SLC4A8: variants seen among roughly 807,000 people sequenced by gnomAD.
SLC4A8 encodes electroneutral sodium bicarbonate exchanger 1.
A neutral mutation model predicts 125.0 loss-of-function variants in SLC4A8; 40 were observed. The observed-to-expected ratio is 0.32, with a 90% CI of 0.25 to 0.42. SLC4A8 has a LOEUF of 0.42. Among genes scored for constraint, SLC4A8 ranks in the 10% least tolerant of loss-of-function variants. The pLI, the probability that SLC4A8 is intolerant of heterozygous loss-of-function variation, is 1.00. For synonymous variants in SLC4A8, 456 were observed against 476.0 expected (o/e 0.96, Z 0.55); for missense variants, 863 against 1,355.1 (o/e 0.64, Z 5.70).
intron 11 of SLC4A8, 21 bp from the exon 12 acceptor site, chr12:51,469,593 C>T: frequency 6.2e-7 from 1 of 1,610,238 alleles, no homozygotes; most frequent in Non-Finnish European, 8.5e-7. Context: ...TGTTAGAAGC[C>T]TGTCTGTTGT....
intron 14 of SLC4A8, among the ~76,000 whole-genome samples, chr12:51,472,605 A>G (rs538004827): frequency 7.9e-4 from 120 of 152,236 alleles, no homozygotes; most frequent in African/African-American, 2.8e-3. Context: ...TTGAGCACCT[A>G]TTATGTACCA....
At chr12:51,442,040 A>G (rs557617167) in intron 2 of SLC4A8, among the ~76,000 whole-genome samples, 1 of 152,288 alleles carries the variant, frequency 6.6e-6, no homozygotes, top group Non-Finnish European at 1.5e-5. Context: ...TAGATTAGGC[A>G]CCTTATACAA....
At chr12:51,401,822 C>A (rs569344500) in intron 1 of SLC4A8, among the ~76,000 whole-genome samples, 29 of 152,272 alleles carry the variant, frequency 1.9e-4, no homozygotes, top group African/African-American at 7.0e-4. Flanking sequence ...CTGCCCCACT[C>A]CCATATCAAC....
Position 51,469,493 on chromosome 12 carries a change from A to G in SLC4A8, c.1350-121A>G. ...AAGAGAGTTATCTGTACTGGGGTCA[A>G]ACTGAAGCCAAAGTCTTACCGCTGA... On this transcript the variant is annotated intron_variant, in intron 11 of 24. Transcript: ENST00000453097. The G allele has an allele frequency of 6.1e-6, 5 of 820,818 alleles. No homozygotes were observed. In the Admixed American group the frequency reaches 1.3e-4, roughly 22 times the overall value. The allele number at this position is 820,818 out of a possible 1,614,324, so 50.8% of individuals were successfully genotyped here. A position where few individuals can be genotyped will look rare whatever the true frequency, so the allele number is the denominator to read the frequency against.
At chr12:51,396,624 C>T (rs1948267637) in intron 1 of SLC4A8, among the ~76,000 whole-genome samples, 1 of 151,084 alleles carries the variant, frequency 6.6e-6, no homozygotes, top group Admixed American at 6.6e-5. Context: ...AAGAGGATCA[C>T]TTGAGCGCAG....
intron 11 of SLC4A8, among the ~76,000 whole-genome samples, chr12:51,465,057 T>C (rs35014468): frequency 0.37 from 56,832 of 151,780 alleles, 10,947 homozygotes; most frequent in East Asian, 0.44. Context: ...ACATTTTCTT[T>C]AAAGTTGGGA....
Position 51,455,837 on chromosome 12 carries a change from A to G in SLC4A8, c.575-1514A>G, listed in dbSNP as rs192161890. ...ACTGCCTGGGAAAAATGAAATTCTC[A>G]TGTTCATCATTGGAGTCACATTTTG... On this transcript the variant is annotated intron_variant, in intron 5 of 24. Transcript: ENST00000453097. 3.9e-5 allele frequency among the ~76,000 whole-genome samples: 6 copies of G among 152,258 alleles called. No homozygotes were observed. In the East Asian group the frequency reaches 7.7e-4, roughly 20 times the overall value.
At position 51,452,197 on chromosome 12, in the gene SLC4A8, T is replaced by A; in HGVS notation, c.351T>A (p.Phe117Leu). Residue 117 changes from phenylalanine (F) to leucine (L), a missense_variant, in exon 4 of 25, where the codon TTT becomes TTA. Physicochemically the swap from Phe to Leu is conservative, Grantham distance 22. Around this residue, in one of 6 missense-constraint regions of SLC4A8, gnomAD observed 390 missense variants for 634.4 expected, o/e 0.61. Transcript: ENST00000453097. ...AAGAGCATGTGCCTCATGAGCTGTT[T>A]ACAGAGCTGGATGAGATCTGTATGA... ...EDEEHVPHEL[F>L]TELDEICMKE... The A allele has an allele frequency of 6.2e-7, 1 of 1,614,188 alleles. No homozygotes were observed. Among genetic ancestry groups the A allele is most frequent in the Non-Finnish European group, 8.5e-7 (1 of 1,180,002 alleles).
chr12:51,408,691 T>C (rs1948540603), intron 1 of SLC4A8, among the ~76,000 whole-genome samples: 1 of 152,112 alleles, frequency 6.6e-6, no homozygotes. Context: ...GGAGTATGGC[T>C]GAGGGGAACT....
At chr12:51,477,481 G>GT (rs1328192208) in intron 16 of SLC4A8, among the ~76,000 whole-genome samples, 1 of 152,202 alleles carries the variant, frequency 6.6e-6, no homozygotes, top group Non-Finnish European at 1.5e-5. Context: ...ATTCACTTGG[G>GT]TTTGTGATAT....
At chr12:51,453,443 A>C in intron 4 of SLC4A8, 96 bp from the exon 5 acceptor site, 1 of 1,258,494 alleles carries the variant, frequency 7.9e-7, no homozygotes, top group Non-Finnish European at 1.1e-6. Flanking sequence ...CAGTATGACT[A>C]TCCAGATATC....
Position 51,424,982 on chromosome 12 carries a change from T to C in SLC4A8, c.-6T>C, listed in dbSNP as rs756020983. The C allele has an allele frequency of 1.3e-6, 2 of 1,552,988 alleles. No individual in the cohort carries two copies. The highest frequency in any genetic ancestry group is 3.9e-5 in the Admixed American group (2 of 51,480). On this transcript the variant is annotated 5_prime_UTR_variant, in exon 1 of 25. Coordinates refer to ENST00000453097, the MANE Select transcript of SLC4A8 (RefSeq NM_001039960.3). ...GCCCGTGGGGGAGACCTAGTTCGGCTCCGCCATGCCGGCCGCCGGGAGTAA... is the reference window on the plus strand; with the variant it reads ...GCCCGTGGGGGAGACCTAGTTCGGCCCCGCCATGCCGGCCGCCGGGAGTAA...
In SLC4A8 at chr12:51,457,400, G is replaced by A; in HGVS notation, c.624G>A (p.Met208Ile). 2 of 1,614,024 alleles carry A rather than the reference G, an allele frequency of 1.2e-6. No individual in the cohort carries two copies. The highest frequency in any genetic ancestry group is 1.7e-6 in the Non-Finnish European group (2 of 1,179,928). Residue 208 changes from methionine (M) to isoleucine (I), a missense_variant, in exon 6 of 25, where the codon ATG becomes ATA. Around this residue, in one of 6 missense-constraint regions of SLC4A8, gnomAD observed 390 missense variants for 634.4 expected, o/e 0.61. Transcript: ENST00000453097. ...TGTCCAGTGACCTGAATGACAGCAT[G>A]AGGGTTAAAGTGCGGGAAGCCCTTC... ...QELSSDLNDS[M>I]RVKVREALLK...
At chr12:51,506,301 T>A (rs1217287819) in intron 24 of SLC4A8, among the ~76,000 whole-genome samples, 1 of 152,254 alleles carries the variant, frequency 6.6e-6, no homozygotes, top group East Asian at 1.9e-4. Flanking sequence ...AATATTCAGA[T>A]AGTGTTGATA....
At chr12:51,411,941 G>T (rs2137971588) in intron 1 of SLC4A8, among the ~76,000 whole-genome samples, 1 of 151,422 alleles carries the variant, frequency 6.6e-6, no homozygotes, top group African/African-American at 2.4e-5. Flanking sequence ...ATGTGCCTGT[G>T]GTTCCAGCTA....
rs1938395755 is a variant in SLC4A8, at chr12:51,512,361, C to T, written c.*4923C>T. 1 of 152,154 alleles carries T rather than the reference C, an allele frequency of 6.6e-6. No individual in the cohort carries two copies. Among genetic ancestry groups the T allele is most frequent in the African/African-American group, 2.4e-5 (1 of 41,426 alleles). 9.4% of individuals were successfully genotyped at this position (152,154 alleles called of 1,614,324 possible). On this transcript the variant is annotated 3_prime_UTR_variant, in exon 25 of 25. Coordinates refer to ENST00000453097, the MANE Select transcript of SLC4A8 (RefSeq NM_001039960.3). ...TCTTGAGGGGAGCTCTCTTGGTTTC[C>T]TTTGGCCGGGTCTGTTAGTTACTTT...
At chr12:51,452,838 A>T (rs1486281518) in intron 4 of SLC4A8, among the ~76,000 whole-genome samples, 1 of 152,224 alleles carries the variant, frequency 6.6e-6, no homozygotes, top group Non-Finnish European at 1.5e-5. Context: ...ATAACCAAGG[A>T]CATGTCTAGG....
chr12:51,401,780 A>G (rs12371569), intron 1 of SLC4A8, among the ~76,000 whole-genome samples: 47,515 of 151,940 alleles, frequency 0.31, 7,563 homozygotes, highest in African/African-American at 0.36. Flanking sequence ...AGCCCTAGCC[A>G]GGGACCACCC....
At position 51,457,551 on chromosome 12, in the gene SLC4A8, A is replaced by G. The variant is rs1205646486; in HGVS notation, c.763+12A>G. On this transcript the variant is annotated intron_variant, in intron 6 of 24. Coordinates refer to ENST00000453097, the MANE Select transcript of SLC4A8 (RefSeq NM_001039960.3). ...GATGGATAAACATGGTAAGATTATT[A>G]GGTGATTTTTCTCTCTTTATTAATA... 1 of 1,604,970 alleles carries G rather than the reference A, an allele frequency of 6.2e-7. No homozygotes were observed. The highest frequency in any genetic ancestry group is 8.5e-7 in the Non-Finnish European group (1 of 1,175,060).
Sources: allele counts gnomAD v4.1 joint callset (sites outside exome capture counted in the v4.1 genomes callset), GRCh38; gene constraint gnomAD v4.1.1; regional missense constraint gnomAD v4.1.1; transcripts MANE v1.5; gene names NCBI Gene and HGNC (gene_info 2026-07-23, HGNC 2026-07-21).